The following PPA1 variants were observed in gnomAD, a reference collection of about 807,000 sequenced individuals.
PPA1 encodes the protein inorganic pyrophosphatase.
A neutral mutation model predicts 41.8 loss-of-function variants in PPA1; 23 were observed. The ratio of observed to expected loss-of-function variants is 0.55; its 90% CI spans 0.40 to 0.78. The LOEUF is 0.78. Ranked by LOEUF, PPA1 falls within the 30% of genes least tolerant of loss-of-function variation. The pLI is 0.00. For synonymous variants in PPA1, 101 were observed against 116.8 expected (o/e 0.86, Z 0.87); for missense variants, 320 against 361.6 (o/e 0.89, Z 0.93).
chr10:70,210,316 A>G (rs1217025947), intron 6 of PPA1: 2 of 1,296,486 alleles, frequency 1.5e-6, no homozygotes, highest in Admixed American at 4.0e-5. Flanking sequence ...GGCTCAAGCA[A>G]TCCTCCTGCC....
chr10:70,225,607 G>A (rs2136769483), intron 2 of PPA1, among the ~76,000 whole-genome samples: 1 of 151,348 alleles, frequency 6.6e-6, no homozygotes, highest in South Asian at 2.1e-4. Flanking sequence ...TTTATCTAGA[G>A]CATAAACATA....
intron 4 of PPA1, among the ~76,000 whole-genome samples, chr10:70,217,385 G>A (rs770705210): frequency 2.0e-5 from 3 of 152,098 alleles, no homozygotes; most frequent in Non-Finnish European, 4.4e-5. Flanking sequence ...CGATATGGAC[G>A]TCTCAAGGAG....
At chr10:70,223,174 G>A (rs1166096237) in intron 2 of PPA1, among the ~76,000 whole-genome samples, 8 of 151,870 alleles carry the variant, frequency 5.3e-5, no homozygotes, top group Admixed American at 5.3e-4. Context: ...AGACCAACCT[G>A]ACCAACATAG....
intron 6 of PPA1, among the ~76,000 whole-genome samples, chr10:70,211,043 G>A (rs1450025076): frequency 6.6e-6 from 1 of 152,166 alleles, no homozygotes; most frequent in Non-Finnish European, 1.5e-5. Flanking sequence ...GATTACAGGC[G>A]TGAGCCACCG....
chr10:70,213,444 A>C lies in PPA1; in HGVS notation c.511+19T>G. The C allele has an allele frequency of 6.2e-7, 1 of 1,613,230 alleles. No homozygotes were observed. The highest frequency in any genetic ancestry group is 8.5e-7 in the Non-Finnish European group (1 of 1,179,530). On this transcript the variant is annotated intron_variant, in intron 6 of 10. Coordinates refer to ENST00000373232, the MANE Select transcript of PPA1 (RefSeq NM_021129.4). ...TATGAATTAATTAGAAAGACTTCAGACTTTTCAAATTTTCTTACCATTATA... is the reference window on the plus strand; with the variant it reads ...TATGAATTAATTAGAAAGACTTCAGCCTTTTCAAATTTTCTTACCATTATA...
chr10:70,225,898 A>C (rs915012073), intron 2 of PPA1, among the ~76,000 whole-genome samples: 1 of 152,218 alleles, frequency 6.6e-6, no homozygotes, highest in Non-Finnish European at 1.5e-5. Context: ...AGTTGTTAAA[A>C]GTATATGGAT....
chr10:70,203,775 A>G (rs572175925), intron 10 of PPA1: 1 of 152,572 alleles, frequency 6.6e-6, no homozygotes, highest in Admixed American at 6.5e-5. Flanking sequence ...GAATTCTGAC[A>G]TCTAAGGAGG....
intron 7 of PPA1, 61 bp downstream of exon 7, chr10:70,209,497 G>A: frequency 6.6e-7 from 1 of 1,515,470 alleles, no homozygotes; most frequent in South Asian, 1.3e-5. Context: ...GTAACAATAT[G>A]GTTAAATTAT....
In PPA1 at chr10:70,217,787, T is replaced by C. The variant is rs149133327; in HGVS notation, c.297+25A>G. ...ATATTTAGTAAGCTAAAAAGTACAT[T>C]GTCAGCAGTTGCATGAAGACATACC... On this transcript the variant is annotated intron_variant, in intron 4 of 10. Transcript: ENST00000373232. 1.9e-3 allele frequency: 2,847 copies of C among 1,506,120 alleles called. 57 individuals carry two copies. The African/African-American group carries it at 0.035, about 19-fold the overall frequency. The allele number at this position is 1,506,120 out of a possible 1,614,324, so 93.3% of individuals were successfully genotyped here.
At chr10:70,207,914 C>T (rs533337738) in intron 8 of PPA1, among the ~76,000 whole-genome samples, 6 of 135,714 alleles carry the variant, frequency 4.4e-5, no homozygotes, top group Admixed American at 8.0e-5. Context: ...CCATCAAGGC[C>T]GGGTGTGGTG....
chr10:70,232,596 C>G lies in PPA1; in HGVS notation c.64+668G>C, dbSNP rs906425097. 2.0e-5 allele frequency among the ~76,000 whole-genome samples: 3 copies of G among 152,192 alleles called. 1 individual carries two copies. The highest frequency in any genetic ancestry group is 2.9e-5 in the Non-Finnish European group (2 of 68,038). ...GCACTTTCTCAGTCTTGTTTCCAGA[C>G]TGACGTCATCTGTTTGATTTGAGGG... On this transcript the variant is annotated intron_variant, in intron 1 of 10. Coordinates refer to ENST00000373232, the MANE Select transcript of PPA1 (RefSeq NM_021129.4).
rs903481056 is a variant in PPA1 at position 70,209,105 on chromosome 10, T to C, written c.725+100A>G. On this transcript the variant is annotated intron_variant, in intron 8 of 10. Coordinates refer to ENST00000373232, the MANE Select transcript of PPA1 (RefSeq NM_021129.4). The stretch of plus-strand genomic sequence containing the variant: ...CACCGCACCCAGCCTTGTATCTCTT[T>C]TCTAAGTGAAAGTAACAGTACAGTG... 1.6e-5 allele frequency: 13 copies of C among 833,270 alleles called. No homozygotes were observed. The African/African-American group carries it at 2.1e-4, about 13-fold the overall frequency. 51.6% of individuals were successfully genotyped at this position (833,270 alleles called of 1,614,324 possible). A position where few individuals can be genotyped will look rare whatever the true frequency, so the allele number is the denominator to read the frequency against.
chr10:70,221,055 A>ATATAT (rs1232241016), intron 2 of PPA1, among the ~76,000 whole-genome samples: 1 of 41,668 alleles, frequency 2.4e-5, no homozygotes, highest in African/African-American at 2.2e-4. Context: ...ATATATATAT[A>ATATAT]ATTTATATAT....
At chr10:70,225,522 C>T (rs1840220828) in intron 2 of PPA1, among the ~76,000 whole-genome samples, 1 of 152,068 alleles carries the variant, frequency 6.6e-6, no homozygotes, top group Non-Finnish European at 1.5e-5. Context: ...GCCCACCCCC[C>T]ATTTTTTAAT....
intron 8 of PPA1, among the ~76,000 whole-genome samples, chr10:70,207,804 G>A (rs921770448): frequency 2.6e-5 from 4 of 152,078 alleles, no homozygotes; most frequent in Non-Finnish European, 4.4e-5. Context: ...TATGGATCAT[G>A]TTTTAAAAAT....
At chr10:70,213,656 G>A in intron 5 of PPA1, 67 bp from the exon 6 acceptor site, 4 of 1,499,066 alleles carry the variant, frequency 2.7e-6, no homozygotes, top group Non-Finnish European at 3.6e-6. Context: ...GTTTTACTTG[G>A]CTAACAGGAA....
intron 10 of PPA1, 114 bp downstream of exon 10, chr10:70,204,757 TCA>T: frequency 1.2e-6 from 1 of 801,518 alleles, no homozygotes; most frequent in South Asian, 2.2e-5. Context: ...TATCAAAACA[TCA>T]CACTGTACCC....
intron 2 of PPA1, among the ~76,000 whole-genome samples, 157 bp downstream of exon 2, chr10:70,230,184 C>G (rs1270998020): frequency 6.6e-6 from 1 of 152,218 alleles, no homozygotes; most frequent in Non-Finnish European, 1.5e-5. Flanking sequence ...GCTGGGATTA[C>G]AGGCGTGAGC....
At chr10:70,204,717 C>A in intron 10 of PPA1, 156 bp downstream of exon 10, 1 of 566,034 alleles carries the variant, frequency 1.8e-6, no homozygotes, top group South Asian at 3.4e-5. Flanking sequence ...CGTAATTAGC[C>A]AGATTTAATC....
Sources: allele counts gnomAD v4.1 joint callset (sites outside exome capture counted in the v4.1 genomes callset), GRCh38; gene constraint gnomAD v4.1.1; transcripts MANE v1.5; gene names NCBI Gene and HGNC (gene_info 2026-07-23, HGNC 2026-07-21).